The following RARB variants were observed in gnomAD, a reference collection of about 807,000 sequenced individuals.
RARB encodes HBV-activated protein.
RARB carries 17 observed loss-of-function variants against 51.9 expected under a neutral mutation model. The ratio of observed to expected loss-of-function variants is 0.33; its 90% CI spans 0.22 to 0.49. RARB has a LOEUF of 0.49. Ranked by LOEUF, RARB falls within the 20% of genes least tolerant of loss-of-function variation. The pLI, the probability that RARB is intolerant of heterozygous loss-of-function variation, is 0.99. For synonymous variants in RARB, 215 were observed against 195.4 expected, an observed-to-expected ratio of 1.10 and a Z score of -0.84; for missense variants, 369 against 550.8, an observed-to-expected ratio of 0.67 and a Z score of 3.30.
intron 5 of RARB, among the ~76,000 whole-genome samples, chr3:25,340,618 G>A (rs187887345): frequency 6.6e-6 from 1 of 152,176 alleles, no homozygotes; most frequent in African/African-American, 2.4e-5. Flanking sequence ...TAAAGTATCT[G>A]GCTCTACAAA....
At chr3:25,116,796 C>T (rs185257548) in intron 3 of RARB, among the ~76,000 whole-genome samples, 2 of 152,132 alleles carry the variant, frequency 1.3e-5, no homozygotes, top group Admixed American at 1.3e-4. Context: ...GAGGACAGAT[C>T]TCTGAAGACT....
chr3:24,915,462 A>G (rs9827612), intron 2 of RARB, among the ~76,000 whole-genome samples: 91,159 of 152,046 alleles, frequency 0.6, 28,042 homozygotes, highest in East Asian at 0.76. Flanking sequence ...TCCACTGCTC[A>G]ATAGCCACAT....
At chr3:25,274,223 TTAACTAGTA>T (rs1157647479) in intron 5 of RARB, among the ~76,000 whole-genome samples, 1 of 152,218 alleles carries the variant, frequency 6.6e-6, no homozygotes, top group African/African-American at 2.4e-5. Flanking sequence ...TGCATAAAAA[TTAACTAGTA>T]TACATTTTGT....
intron 2 of RARB, among the ~76,000 whole-genome samples, chr3:24,930,222 G>GC (rs1695409848): frequency 6.6e-6 from 1 of 152,022 alleles, no homozygotes; most frequent in Non-Finnish European, 1.5e-5. Flanking sequence ...CTGATTTTAG[G>GC]CAGAATGTAG....
At chr3:25,452,418 A>G (rs1158619942) in intron 1 of RARB, among the ~76,000 whole-genome samples, 1 of 84,826 alleles carries the variant, frequency 1.2e-5, no homozygotes. Flanking sequence ...AGGTGTAGCT[A>G]CAACACAGAG....
intron 5 of RARB, among the ~76,000 whole-genome samples, chr3:25,277,018 A>T (rs1215548774): frequency 6.6e-6 from 1 of 152,212 alleles, no homozygotes. Flanking sequence ...GAATACTTGG[A>T]TGATTAAAAG....
intron 5 of RARB, among the ~76,000 whole-genome samples, chr3:25,391,282 A>T (rs1227334857): frequency 6.6e-6 from 1 of 151,892 alleles, no homozygotes; most frequent in South Asian, 2.1e-4. Flanking sequence ...TATTTTCTTT[A>T]TCTACTCATT....
chr3:24,847,198 G>A (rs1289736427), intron 1 of RARB, among the ~76,000 whole-genome samples: 1 of 152,188 alleles, frequency 6.6e-6, no homozygotes, highest in Non-Finnish European at 1.5e-5. Flanking sequence ...CCCTGCAAGT[G>A]TCTTTTGACA....
intron 2 of RARB, among the ~76,000 whole-genome samples, chr3:25,043,764 G>A (rs534304066): frequency 7.9e-5 from 12 of 152,242 alleles, no homozygotes; most frequent in Admixed American, 2.6e-4. Context: ...CTAAGATGCC[G>A]AAGTCACCGA....
At chr3:25,552,072 A>G (rs537259269) in intron 3 of RARB, among the ~76,000 whole-genome samples, 1 of 152,234 alleles carries the variant, frequency 6.6e-6, no homozygotes, top group Admixed American at 6.5e-5. Flanking sequence ...CTGGTTATGA[A>G]CAAGAGCCCT....
intron 5 of RARB, among the ~76,000 whole-genome samples, chr3:25,302,106 A>C (rs1704054780): frequency 6.6e-6 from 1 of 152,232 alleles, no homozygotes; most frequent in Non-Finnish European, 1.5e-5. Flanking sequence ...ACCATGACTA[A>C]AACCAAAAAG....
chr3:24,897,677 A>G (rs929092268), intron 2 of RARB, among the ~76,000 whole-genome samples: 4 of 151,504 alleles, frequency 2.6e-5, no homozygotes, highest in African/African-American at 9.7e-5. Context: ...TTTATACTCA[A>G]TGAAATCTTA....
At chr3:24,987,610 G>A (rs896213629) in intron 2 of RARB, among the ~76,000 whole-genome samples, 4 of 152,230 alleles carry the variant, frequency 2.6e-5, no homozygotes, top group African/African-American at 9.6e-5. Context: ...CTGAGGGACT[G>A]TTCTACACCA....
intron 5 of RARB, among the ~76,000 whole-genome samples, chr3:25,319,435 T>C (rs760754420): frequency 6.6e-6 from 1 of 152,230 alleles, no homozygotes; most frequent in Non-Finnish European, 1.5e-5. Context: ...ATTTTGAATC[T>C]GACAGCTGCA....
intron 2 of RARB, among the ~76,000 whole-genome samples, chr3:24,986,065 A>T (rs1268285187): frequency 6.6e-6 from 1 of 152,246 alleles, no homozygotes; most frequent in Non-Finnish European, 1.5e-5. Context: ...AACCACGGGT[A>T]AAATCACCTA....
At chr3:25,151,075 C>T (rs1415789936) in intron 4 of RARB, among the ~76,000 whole-genome samples, 1 of 152,204 alleles carries the variant, frequency 6.6e-6, no homozygotes, top group African/African-American at 2.4e-5. Flanking sequence ...GCCTGGAAAA[C>T]TCATTTTGTG....
chr3:25,230,518 C>T (rs561022337), intron 5 of RARB, among the ~76,000 whole-genome samples: 1 of 152,032 alleles, frequency 6.6e-6, no homozygotes, highest in South Asian at 2.1e-4. Context: ...AGTTAAATTA[C>T]CCCAGGTAGG....
intron 1 of RARB, among the ~76,000 whole-genome samples, chr3:25,444,529 CCAAGTGGCTCATATGAAA>C (rs1708843313): frequency 6.6e-6 from 1 of 152,134 alleles, no homozygotes; most frequent in African/African-American, 2.4e-5. Flanking sequence ...GTATACACTT[CCAAGTGGCTCATATGAAA>C]CAGATGTTTC....
At chr3:25,166,275 C>T (rs1358265381) in intron 4 of RARB, among the ~76,000 whole-genome samples, 3 of 152,178 alleles carry the variant, frequency 2.0e-5, no homozygotes, top group Non-Finnish European at 4.4e-5. Context: ...AACCACCAGG[C>T]ATGCAAAACT....
Sources: gnomAD v4.1 joint callset for allele counts (sites outside exome capture counted in the v4.1 genomes callset) on GRCh38, gnomAD v4.1.1 for gene constraint, MANE v1.5 for transcripts, NCBI Gene and HGNC (gene_info 2026-07-23, HGNC 2026-07-21) for gene names.